The following STPG2 variants were observed in gnomAD, a reference collection of about 807,000 sequenced individuals.
STPG2 encodes the protein sperm-tail PG-rich repeat-containing protein 2.
A neutral mutation model predicts 54.2 loss-of-function variants in STPG2; 56 were observed. The ratio of observed to expected loss-of-function variants is 1.03; its 90% CI spans 0.83 to 1.29. The LOEUF (loss-of-function observed/expected upper bound fraction) is 1.29. Ranked by LOEUF, STPG2 falls within the 50% of genes most tolerant of loss-of-function variation. The pLI, the probability that STPG2 is intolerant of heterozygous loss-of-function variation, is 0.00. For synonymous variants in STPG2, 200 were observed against 181.8 expected (o/e 1.10, Z -0.81); for missense variants, 596 against 544.9 (o/e 1.09, Z -0.93).
intron 4 of STPG2, among the ~76,000 whole-genome samples, chr4:97,451,069 A>G (rs1390870437): frequency 6.6e-6 from 1 of 152,156 alleles, no homozygotes; most frequent in Admixed American, 6.5e-5. Context: ...GAAAATGTGC[A>G]GGTTATCTAC....
chr4:97,703,604 TGTA>T (rs1168453092), intron 10 of STPG2, among the ~76,000 whole-genome samples: 5 of 79,946 alleles, frequency 6.3e-5, no homozygotes, highest in African/African-American at 2.3e-4. Context: ...CTATAAGTAG[TGTA>T]TAGTATATAT....
At chr4:97,839,047 T>G (rs1728717238) in intron 9 of STPG2, among the ~76,000 whole-genome samples, 2 of 151,604 alleles carry the variant, frequency 1.3e-5, no homozygotes, top group African/African-American at 4.8e-5. Context: ...TCACTATGTC[T>G]TTGACTTCCA....
chr4:97,575,539 G>C (rs1732702203), intron 10 of STPG2, among the ~76,000 whole-genome samples: 1 of 152,052 alleles, frequency 6.6e-6, no homozygotes, highest in Non-Finnish European at 1.5e-5. Context: ...CATCTCAATA[G>C]ATGCAGAAAA....
At chr4:97,759,733 TGC>T (rs2149052411) in intron 9 of STPG2, among the ~76,000 whole-genome samples, 1 of 152,282 alleles carries the variant, frequency 6.6e-6, no homozygotes, top group Admixed American at 6.5e-5. Context: ...AATACTTGTT[TGC>T]TGGAGTTTCA....
chr4:97,451,648 A>G (rs1270062800), intron 4 of STPG2, among the ~76,000 whole-genome samples: 6 of 152,166 alleles, frequency 3.9e-5, no homozygotes, highest in Non-Finnish European at 7.3e-5. Flanking sequence ...GTATATTTGG[A>G]GGTATCAGAA....
chr4:97,859,264 G>C (rs1263939093), intron 8 of STPG2, among the ~76,000 whole-genome samples: 4 of 151,946 alleles, frequency 2.6e-5, no homozygotes, highest in Non-Finnish European at 5.9e-5. Flanking sequence ...TTTTCTTACT[G>C]ATTTGTTTGA....
intron 6 of STPG2, among the ~76,000 whole-genome samples, chr4:97,977,912 C>T (rs897559023): frequency 6.6e-6 from 1 of 152,088 alleles, no homozygotes; most frequent in African/African-American, 2.4e-5. Flanking sequence ...GCGGGGAAAA[C>T]GTTATTAGAG....
At chr4:97,836,984 G>A (rs1453384767) in intron 9 of STPG2, among the ~76,000 whole-genome samples, 2 of 151,106 alleles carry the variant, frequency 1.3e-5, no homozygotes, top group Non-Finnish European at 3.0e-5. Context: ...TAATACATAA[G>A]ATAGTCTCAA....
intron 5 of STPG2, among the ~76,000 whole-genome samples, chr4:98,059,403 C>A (rs574007834): frequency 6.6e-6 from 1 of 151,964 alleles, no homozygotes; most frequent in African/African-American, 2.4e-5. Context: ...AAAACTGAAT[C>A]AGTAATAAAT....
chr4:97,862,558 A>G (rs997164235), intron 8 of STPG2, among the ~76,000 whole-genome samples: 1 of 152,090 alleles, frequency 6.6e-6, no homozygotes, highest in Non-Finnish European at 1.5e-5. Context: ...GTTAATAAGG[A>G]TATCCAGGAA....
chr4:97,710,616 G>C (rs944334179), intron 10 of STPG2, among the ~76,000 whole-genome samples: 1 of 151,920 alleles, frequency 6.6e-6, no homozygotes, highest in Admixed American at 6.6e-5. Context: ...AACGTAAAAA[G>C]TTTACAGCAA....
At chr4:97,940,421 C>T (rs747877858) in intron 8 of STPG2, among the ~76,000 whole-genome samples, 37 of 152,166 alleles carry the variant, frequency 2.4e-4, no homozygotes, top group Non-Finnish European at 5.0e-4. Flanking sequence ...TTTCCCTTCC[C>T]TTTCAGGGAT....
At chr4:97,777,900 T>G (rs1726432608) in intron 9 of STPG2, among the ~76,000 whole-genome samples, 2 of 152,132 alleles carry the variant, frequency 1.3e-5, no homozygotes, top group African/African-American at 4.8e-5. Flanking sequence ...TATCTATCAA[T>G]GTTCTGCTTT....
At chr4:97,733,011 T>C (rs962653807) in intron 9 of STPG2, among the ~76,000 whole-genome samples, 1 of 152,148 alleles carries the variant, frequency 6.6e-6, no homozygotes, top group African/African-American at 2.4e-5. Context: ...GTACAACCTC[T>C]AAGGAAAACA....
chr4:97,668,173 G>C (rs990709555), intron 10 of STPG2, among the ~76,000 whole-genome samples: 2 of 152,120 alleles, frequency 1.3e-5, no homozygotes, highest in Non-Finnish European at 2.9e-5. Context: ...TAAGAAGAGT[G>C]TCAGGTGAAA....
intron 9 of STPG2, among the ~76,000 whole-genome samples, chr4:97,715,017 T>C (rs1724245375): frequency 6.6e-6 from 1 of 152,174 alleles, no homozygotes; most frequent in Non-Finnish European, 1.5e-5. Context: ...ATTGTAGATT[T>C]CTTTTTATTG....
At chr4:97,888,685 G>T (rs1040218070) in intron 8 of STPG2, among the ~76,000 whole-genome samples, 2 of 152,040 alleles carry the variant, frequency 1.3e-5, no homozygotes, top group African/African-American at 2.4e-5. Context: ...TAAGACTTTG[G>T]GAAACTGTTA....
intron 9 of STPG2, among the ~76,000 whole-genome samples, chr4:97,800,150 C>A (rs761585349): frequency 1.2e-4 from 18 of 151,912 alleles, no homozygotes; most frequent in Admixed American, 7.9e-4. Flanking sequence ...GCTCGGAGTA[C>A]TTTGATCGTC....
intron 9 of STPG2, among the ~76,000 whole-genome samples, chr4:97,829,182 C>A (rs116647280): frequency 2.0e-5 from 3 of 152,068 alleles, no homozygotes; most frequent in Non-Finnish European, 2.9e-5. Context: ...AAGGAACAGG[C>A]GGCAATATCT....
Sources: allele counts gnomAD v4.1 joint callset (sites outside exome capture counted in the v4.1 genomes callset), GRCh38; gene constraint gnomAD v4.1.1; transcripts MANE v1.5; gene names NCBI Gene and HGNC (gene_info 2026-07-23, HGNC 2026-07-21).